LARGE1: variants seen among roughly 807,000 people sequenced by gnomAD.
LARGE1 encodes LARGE xylosyl- and glucuronyltransferase 1, also known as xylosyl- and glucuronyltransferase LARGE1.
In LARGE1, 43 loss-of-function variants were observed where a neutral mutation model predicts 87.6. That is an observed-to-expected ratio of 0.49 (90% CI 0.38 to 0.63). LARGE1 has a LOEUF of 0.63. Ranked by LOEUF, LARGE1 falls within the 30% of genes least tolerant of loss-of-function variation. LARGE1 has a pLI of 0.00. For synonymous variants in LARGE1, 434 were observed against 394.6 expected, an observed-to-expected ratio of 1.10 and a Z score of -1.18; for missense variants, 802 against 1,000.2, an observed-to-expected ratio of 0.80 and a Z score of 2.67.
Position 33,633,294 on chromosome 22 carries a change from G to C in LARGE1, c.409-6968C>G, listed in dbSNP as rs1052625458. On this transcript the variant is annotated intron_variant, in intron 3 of 14. Transcript: ENST00000397394. ...AGAGTGGCCAGCATCACCCAGATAA[G>C]AGACGATGCAGGGAGAGCATCTTGG... Among the ~76,000 whole-genome samples, 6 of 152,300 alleles carry C rather than the reference G, an allele frequency of 3.9e-5. No homozygotes were observed. The South Asian group carries it at 6.2e-4, about 16-fold the overall frequency.
chr22:33,413,141 A>G (rs1057181454), intron 7 of LARGE1, among the ~76,000 whole-genome samples: 16 of 152,178 alleles, frequency 1.1e-4, no homozygotes, highest in Non-Finnish European at 2.9e-5. Context: ...AAAATAGTCT[A>G]AAATAAAAAA....
chr22:33,367,946 T>C (rs1475832211), intron 9 of LARGE1, among the ~76,000 whole-genome samples: 2 of 152,258 alleles, frequency 1.3e-5, no homozygotes, highest in Non-Finnish European at 2.9e-5. Flanking sequence ...AATGTAAAAG[T>C]ATGTTTTCAA....
intron 2 of LARGE1, among the ~76,000 whole-genome samples, chr22:33,680,870 T>C (rs927437832): frequency 6.6e-6 from 1 of 151,942 alleles, no homozygotes; most frequent in Admixed American, 6.6e-5. Context: ...TATGCAGAAG[T>C]GAAATTGAAG....
intron 2 of LARGE1, among the ~76,000 whole-genome samples, chr22:33,707,002 T>A (rs527718522): frequency 1.3e-5 from 2 of 152,312 alleles, no homozygotes; most frequent in South Asian, 4.1e-4. Flanking sequence ...AACTAACATA[T>A]ATGTGTTAAG....
At chr22:33,784,346 A>G (rs1183487294) in intron 1 of LARGE1, among the ~76,000 whole-genome samples, 1 of 152,194 alleles carries the variant, frequency 6.6e-6, no homozygotes, top group Admixed American at 6.5e-5. Flanking sequence ...ATAGAAGAGG[A>G]AATAAAGCAA....
At chr22:33,270,371 G>A (rs957311234), downstream of LARGE1, among the ~76,000 whole-genome samples, 4 of 152,130 alleles carry the variant, frequency 2.6e-5, no homozygotes, top group Non-Finnish European at 5.9e-5. Context: ...TACAAGCCTC[G>A]CAGCTAAGCT....
At chr22:33,818,338 G>A (rs1018597975) in intron 1 of LARGE1, among the ~76,000 whole-genome samples, 3 of 152,156 alleles carry the variant, frequency 2.0e-5, no homozygotes, top group Non-Finnish European at 4.4e-5. Flanking sequence ...ACAAGGACAG[G>A]AACCCTATCA....
chr22:33,083,726 C>T, the LARGE1 span, among the ~76,000 whole-genome samples: 1 of 152,156 alleles, frequency 6.6e-6, no homozygotes. Flanking sequence ...GACACGAAAC[C>T]AGCTGCCACA....
At chr22:33,805,056 G>A (rs2086267448) in intron 1 of LARGE1, among the ~76,000 whole-genome samples, 1 of 152,150 alleles carries the variant, frequency 6.6e-6, no homozygotes, top group Admixed American at 6.5e-5. Context: ...AATCTTCCCA[G>A]TTAGAATATA....
Position 33,283,436 on chromosome 22 carries a change from C to A in LARGE1, c.1731-88G>T, listed in dbSNP as rs11913299. The A allele has an allele frequency of 0.01, 14,751 of 1,462,192 alleles. 359 individuals carry two copies. Among genetic ancestry groups the A allele is most frequent in the African/African-American group, 0.06 (4,285 of 71,590 alleles). The allele number at this position is 1,462,192 out of a possible 1,614,324, so 90.6% of individuals were successfully genotyped here. A position where few individuals can be genotyped will look rare whatever the true frequency, so the allele number is the denominator to read the frequency against. On this transcript the variant is annotated intron_variant, in intron 12 of 14. Transcript: ENST00000397394. Reference sequence around the variant, plus strand: ...CATGAGGGCGGGGTGGTCATTGGCCCGGGGAAGTGTGGGAAAGAAAGCTCA... The same window carrying A: ...CATGAGGGCGGGGTGGTCATTGGCCAGGGGAAGTGTGGGAAAGAAAGCTCA...
chr22:33,876,674 G>A (rs1197594676), intron 1 of LARGE1, among the ~76,000 whole-genome samples: 1 of 151,748 alleles, frequency 6.6e-6, no homozygotes, highest in African/African-American at 2.4e-5. Context: ...GCTAGGGGAG[G>A]GAGAGCATTA....
At chr22:33,788,797 C>T (rs1039031512) in intron 1 of LARGE1, among the ~76,000 whole-genome samples, 2 of 152,166 alleles carry the variant, frequency 1.3e-5, no homozygotes, top group African/African-American at 4.8e-5. Flanking sequence ...AATTTCTAAA[C>T]AGCAAAGCGT....
chr22:33,752,784 C>G (rs1267382949), intron 2 of LARGE1, among the ~76,000 whole-genome samples: 1 of 152,196 alleles, frequency 6.6e-6, no homozygotes, highest in East Asian at 1.9e-4. Context: ...GGAAAAATGA[C>G]CCCCCAAAAG....
the LARGE1 span, among the ~76,000 whole-genome samples, chr22:33,123,008 G>A: frequency 6.6e-6 from 1 of 152,132 alleles, no homozygotes; most frequent in South Asian, 2.1e-4. Context: ...TGATGACCTT[G>A]GAGTGGAATC....
chr22:33,514,804 G>A (rs2071223354), intron 6 of LARGE1, among the ~76,000 whole-genome samples: 1 of 152,080 alleles, frequency 6.6e-6, no homozygotes, highest in Non-Finnish European at 1.5e-5. Flanking sequence ...TCAGAAACAC[G>A]GACCTATAAA....
chr22:33,650,194 T>C (rs186762224), intron 3 of LARGE1, among the ~76,000 whole-genome samples, 173 bp downstream of exon 3: 4 of 152,312 alleles, frequency 2.6e-5, no homozygotes, highest in African/African-American at 9.6e-5. Context: ...AGAGGCTAAA[T>C]GACTTGTCAG....
At chr22:33,712,210 G>A (rs1242044481) in intron 2 of LARGE1, among the ~76,000 whole-genome samples, 2 of 152,066 alleles carry the variant, frequency 1.3e-5, no homozygotes, top group African/African-American at 4.8e-5. Context: ...GGAACCCTGG[G>A]GATGGGGGAA....
At chr22:33,184,773 A>G (rs1021955198) in intron 11 of LARGE1, among the ~76,000 whole-genome samples, 2 of 152,208 alleles carry the variant, frequency 1.3e-5, no homozygotes, top group Non-Finnish European at 2.9e-5. Flanking sequence ...ATCTCACCAA[A>G]GAAGATATAC....
At chr22:33,384,835 A>C (rs770838537) in intron 7 of LARGE1, among the ~76,000 whole-genome samples, 4 of 148,960 alleles carry the variant, frequency 2.7e-5, no homozygotes, top group African/African-American at 4.9e-5. Context: ...TTCCTTATAG[A>C]CATTAGGTTC....
Sources: gnomAD v4.1 joint callset for allele counts (sites outside exome capture counted in the v4.1 genomes callset) on GRCh38, gnomAD v4.1.1 for gene constraint, MANE v1.5 for transcripts, NCBI Gene and HGNC (gene_info 2026-07-23, HGNC 2026-07-21) for gene names.